The following CNTN6 variants were observed in gnomAD, a reference collection of about 807,000 sequenced individuals.
CNTN6 encodes the protein contactin-6.
In CNTN6, 137 loss-of-function variants were observed where a neutral mutation model predicts 122.8. The observed-to-expected ratio is 1.12, with a 90% CI of 0.97 to 1.29. The LOEUF is 1.29. CNTN6 is among the 50% of genes most tolerant of loss of function. The pLI, the probability that CNTN6 is intolerant of heterozygous loss-of-function variation, is 0.00. For missense variants in CNTN6, 1,634 were observed against 1,223.4 expected (o/e 1.34, Z -5.01); for synonymous variants, 570 against 426.0 (o/e 1.34, Z -4.16).
chr3:1,343,462 CCTT>C (rs1228062302), intron 11 of CNTN6, among the ~76,000 whole-genome samples: 1 of 152,036 alleles, frequency 6.6e-6, no homozygotes, highest in Admixed American at 6.6e-5. Context: ...AGTTTATACT[CCTT>C]ATTTATACTT....
chr3:1,257,028 A>G (rs749341968), intron 4 of CNTN6, among the ~76,000 whole-genome samples: 3 of 152,146 alleles, frequency 2.0e-5, no homozygotes, highest in Admixed American at 6.6e-5. Context: ...TATTACATCA[A>G]TCCCTCTTGA....
chr3:1,399,541 T>A (rs570275045), intron 20 of CNTN6, among the ~76,000 whole-genome samples: 89 of 152,198 alleles, frequency 5.8e-4, no homozygotes, highest in Non-Finnish European at 1.1e-3. Context: ...CTGTCCATCT[T>A]ATAAATAGGT....
chr3:1,335,837 T>C (rs757481699), intron 11 of CNTN6, among the ~76,000 whole-genome samples: 1 of 152,090 alleles, frequency 6.6e-6, no homozygotes, highest in Non-Finnish European at 1.5e-5. Context: ...GAGACCAGCC[T>C]GGGCAACATA....
chr3:1,148,183 A>C lies in CNTN6; in HGVS notation c.55+120A>C, dbSNP rs1409137157. On this transcript the variant is annotated intron_variant, in intron 2 of 22. Transcript: ENST00000446702. ...TATGTTATTTGAATGACTAAGTGAT[A>C]ATGTTTTGAAGGTAACTTCTATGAC... 4 of 735,418 alleles carry C rather than the reference A, an allele frequency of 5.4e-6. No individual in the cohort carries two copies. The East Asian group carries it at 8.1e-5, about 15-fold the overall frequency. The allele number at this position is 735,418 out of a possible 1,614,324, so 45.6% of individuals were successfully genotyped here.
At chr3:1,394,005 C>T (rs1056709738) in intron 20 of CNTN6, among the ~76,000 whole-genome samples, 3 of 152,022 alleles carry the variant, frequency 2.0e-5, no homozygotes, top group Non-Finnish European at 2.9e-5. Context: ...TTCTTAAGCA[C>T]TGGGTGGATC....
At chr3:1,269,257 C>T (rs1207577608) in intron 4 of CNTN6, among the ~76,000 whole-genome samples, 1 of 152,150 alleles carries the variant, frequency 6.6e-6, no homozygotes, top group Non-Finnish European at 1.5e-5. Flanking sequence ...GCCAAGCTAG[C>T]ATTTGAATAT....
intron 4 of CNTN6, among the ~76,000 whole-genome samples, chr3:1,250,372 C>G (rs2094645166): frequency 6.6e-6 from 1 of 152,120 alleles, no homozygotes; most frequent in African/African-American, 2.4e-5. Context: ...CACCTTCTTT[C>G]CATAGTTAAC....
At chr3:1,373,021 T>C (rs975128298) in intron 14 of CNTN6, 66 bp downstream of exon 14, 1 of 913,062 alleles carries the variant, frequency 1.1e-6, no homozygotes, top group African/African-American at 1.7e-5. Flanking sequence ...ATATCTAAAT[T>C]GTAGACCTCT....
At chr3:1,109,388 A>G (rs963384364) in intron 1 of CNTN6, among the ~76,000 whole-genome samples, 1 of 152,046 alleles carries the variant, frequency 6.6e-6, no homozygotes, top group Admixed American at 6.6e-5. Flanking sequence ...TTTATTGTTA[A>G]TCTTCTTGTT....
chr3:1,385,489 TG>T, intron 19 of CNTN6, 121 bp from the exon 20 acceptor site: 2 of 646,358 alleles, frequency 3.1e-6, no homozygotes, highest in Non-Finnish European at 5.0e-6. Flanking sequence ...AAAACGTTTT[TG>T]TCATCTATAC....
intron 11 of CNTN6, among the ~76,000 whole-genome samples, chr3:1,341,228 A>AGGACTTTATACTTTGCCAACTT (rs1703846690): frequency 6.6e-6 from 1 of 151,378 alleles, no homozygotes; most frequent in South Asian, 2.1e-4. Flanking sequence ...CTGCATTCAC[A>AGGACTTTATACTTTGCCAACTT]CATTTTTGTG....
At position 1,153,947 on chromosome 3, in the gene CNTN6, G is replaced by A. The variant is rs369086881; in HGVS notation, c.55+5884G>A. Among the ~76,000 whole-genome samples, 46 of 152,228 alleles carry A rather than the reference G, an allele frequency of 3.0e-4. 1 individual carries two copies. The highest frequency in any genetic ancestry group is 1.1e-3 in the African/African-American group (45 of 41,544). ...ACGTCACAACCCACACTCTGCCTAC[G>A]GTCTTGTTTGGATTTATTGTTAGCA... On this transcript the variant is annotated intron_variant, in intron 2 of 22. Transcript: ENST00000446702.
rs1202433717 is a variant in CNTN6, at chr3:1,315,393, G to A, written c.762-6257G>A. Among the ~76,000 whole-genome samples the A allele has an allele frequency of 4.6e-5, 7 of 152,014 alleles. No individual in the cohort carries two copies. In the East Asian group the frequency reaches 1.4e-3, roughly 30 times the overall value. ...GGGTGGCAACTCAAAGGAATTAGAA[G>A]GTAGATCACAATAAATTAGCGTGCT... On this transcript the variant is annotated intron_variant, in intron 7 of 22. Transcript: ENST00000446702.
At chr3:1,367,679 G>A (rs533579755) in intron 12 of CNTN6, among the ~76,000 whole-genome samples, 52 of 152,202 alleles carry the variant, frequency 3.4e-4, no homozygotes, top group African/African-American at 1.2e-3. Flanking sequence ...CCCAGCAGTC[G>A]GCATGCGTGC....
At chr3:1,376,331 T>A (rs946084055) in intron 16 of CNTN6, among the ~76,000 whole-genome samples, 1 of 152,062 alleles carries the variant, frequency 6.6e-6, no homozygotes, top group African/African-American at 2.4e-5. Flanking sequence ...CATAGTTTTT[T>A]AAAACTCATC....
At chr3:1,098,325 C>T (rs1484461708) in intron 1 of CNTN6, among the ~76,000 whole-genome samples, 2 of 151,974 alleles carry the variant, frequency 1.3e-5, no homozygotes, top group African/African-American at 4.8e-5. Flanking sequence ...AGCACGAGAA[C>T]AAATAAGCCA....
chr3:1,402,137 A>C (rs908218935), intron 21 of CNTN6, among the ~76,000 whole-genome samples, 181 bp from the exon 22 acceptor site: 51 of 152,040 alleles, frequency 3.4e-4, no homozygotes, highest in South Asian at 2.1e-4. Context: ...CAAAAAAAAA[A>C]ACACCTCTTT....
intron 7 of CNTN6, among the ~76,000 whole-genome samples, chr3:1,309,830 C>T (rs1698956019): frequency 6.6e-6 from 1 of 152,098 alleles, no homozygotes; most frequent in East Asian, 1.9e-4. Flanking sequence ...TAGTTTTCTG[C>T]ATGTAAATTC....
At chr3:1,393,407 TGAGGTGG>T (rs1260846592) in intron 20 of CNTN6, among the ~76,000 whole-genome samples, 63 of 83,412 alleles carry the variant, frequency 7.6e-4, no homozygotes, top group African/African-American at 3.0e-3. Context: ...GGGACTGTGG[TGAGGTGG>T]GGGGAGGGGG....
Sources: allele counts gnomAD v4.1 joint callset (sites outside exome capture counted in the v4.1 genomes callset), GRCh38; gene constraint gnomAD v4.1.1; transcripts MANE v1.5; gene names NCBI Gene and HGNC (gene_info 2026-07-23, HGNC 2026-07-21).